CCL26: variants seen among roughly 807,000 people sequenced by gnomAD.
CCL26 encodes the protein C-C motif chemokine ligand 26.
In CCL26, 10 loss-of-function variants were observed where a neutral mutation model predicts 10.7. That is an observed-to-expected ratio of 0.93 (90% CI 0.57 to 1.58). The LOEUF (loss-of-function observed/expected upper bound fraction) is 1.58. Ranked by LOEUF, CCL26 falls within the 40% of genes most tolerant of loss-of-function variation. CCL26 has a pLI of 0.00. For missense variants in CCL26, 116 were observed against 111.0 expected (o/e 1.05, Z -0.20); for synonymous variants, 43 against 41.4 (o/e 1.04, Z -0.15).
At position 75,769,612 on chromosome 7, in the gene CCL26, A is replaced by G. The variant is rs782001790; in HGVS notation, c.*81T>C. The G allele has an allele frequency of 2.1e-4, 186 of 889,010 alleles. 1 individual carries two copies. Among genetic ancestry groups the G allele is most frequent in the Non-Finnish European group, 3.7e-5 (20 of 536,982 alleles). 55.1% of individuals were successfully genotyped at this position (889,010 alleles called of 1,614,324 possible). On this transcript the variant is annotated 3_prime_UTR_variant, in exon 3 of 3. Coordinates refer to ENST00000005180, the MANE Select transcript of CCL26 (RefSeq NM_001371938.1). The stretch of plus-strand genomic sequence containing the variant: ...TCCCCAGCGGGTCCATGTAGCCTTC[A>G]GAAAAGATTCCGCAGGCTCCCCAGA...
upstream of CCL26, among the ~76,000 whole-genome samples, chr7:75,790,178 C>CCTTCCTTTCTTTCTTTCTTTCTTTCTTT (rs60788546): frequency 4.5e-5 from 2 of 44,344 alleles, no homozygotes; most frequent in Admixed American, 4.5e-4. Context: ...TTCCTTCCTT[C>CCTTCCTTTCTTTCTTTCTTTCTTTCTTT]CTTTCTTTCT....
chr7:75,789,238 C>A (rs781792038), intron 1 of CCL26, among the ~76,000 whole-genome samples: 1 of 151,638 alleles, frequency 6.6e-6, no homozygotes, highest in African/African-American at 2.4e-5. Flanking sequence ...AGCCACCGTG[C>A]CTGGCCTGCG....
intron 1 of CCL26, among the ~76,000 whole-genome samples, chr7:75,787,354 C>T (rs1803217699): frequency 6.6e-6 from 1 of 152,066 alleles, no homozygotes; most frequent in Admixed American, 6.6e-5. Flanking sequence ...TTTAAAGACA[C>T]ACCTCACCAG....
At chr7:75,780,696 C>T (rs1174387438) in intron 1 of CCL26, among the ~76,000 whole-genome samples, 1 of 152,086 alleles carries the variant, frequency 6.6e-6, no homozygotes, top group Non-Finnish European at 1.5e-5. Context: ...GCTTCTTTCC[C>T]TCCCGCCTGT....
chr7:75,787,208 C>A lies in CCL26; in HGVS notation c.-79+2509G>T, dbSNP rs181755283. Among the ~76,000 whole-genome samples, 178 of 152,282 alleles carry A rather than the reference C, an allele frequency of 1.2e-3. 2 individuals are homozygous for A. Among genetic ancestry groups the A allele is most frequent in the African/African-American group, 4.1e-3 (171 of 41,560 alleles). ...ATTCCTCGGTTTGGCCTTCCCACCT[C>A]TATACAGTCCGATAATGGACTGGCC... On this transcript the variant is annotated intron_variant, in intron 1 of 3. Coordinates refer to the CCL26 transcript ENST00000394905.
At chr7:75,784,679 T>G (rs1803142546) in intron 1 of CCL26, among the ~76,000 whole-genome samples, 1 of 152,138 alleles carries the variant, frequency 6.6e-6, no homozygotes, top group Non-Finnish European at 1.5e-5. Flanking sequence ...CCAGCTCCCT[T>G]ATTAGGTTCA....
chr7:75,787,651 C>CAAAAA (rs55770109), intron 1 of CCL26, among the ~76,000 whole-genome samples: 3,024 of 27,758 alleles, frequency 0.11, 520 homozygotes, highest in Middle Eastern at 0.25. Flanking sequence ...TCTCCAAAAG[C>CAAAAA]AAAAAAAAAA....
At chr7:75,778,849 G>GGT (rs1563337659) in intron 1 of CCL26, among the ~76,000 whole-genome samples, 8 of 78,378 alleles carry the variant, frequency 1.0e-4, no homozygotes, top group Admixed American at 4.5e-4. Flanking sequence ...AGGCCAAGGT[G>GGT]GGGGGGGCAG....
Position 75,779,351 on chromosome 7 carries a change from T to C in CCL26, c.-78-7097A>G, listed in dbSNP as rs369061069. On this transcript the variant is annotated intron_variant, in intron 1 of 3. Coordinates refer to the CCL26 transcript ENST00000394905. ...GGATCGGGGGACCTCCCTTGGGAGATAAATCCCATGTCCTCCTGCTCTTTG... is the reference window on the plus strand; with the variant it reads ...GGATCGGGGGACCTCCCTTGGGAGACAAATCCCATGTCCTCCTGCTCTTTG... 9.8e-5 allele frequency among the ~76,000 whole-genome samples: 15 copies of C among 152,298 alleles called. No individual in the cohort carries two copies. The East Asian group carries it at 2.5e-3, about 25-fold the overall frequency.
chr7:75,774,082 G>A (rs1299594448), upstream of CCL26, among the ~76,000 whole-genome samples: 1 of 152,208 alleles, frequency 6.6e-6, no homozygotes, highest in Non-Finnish European at 1.5e-5. Context: ...GAAGAGGATA[G>A]ATGGTGAGTT....
At chr7:75,778,712 T>G (rs1305682816) in intron 1 of CCL26, among the ~76,000 whole-genome samples, 1 of 151,660 alleles carries the variant, frequency 6.6e-6, no homozygotes, top group African/African-American at 2.4e-5. Flanking sequence ...CTGCAACCTC[T>G]GCTTCCCAGG....
chr7:75,773,253 G>C (rs1377876315), upstream of CCL26, among the ~76,000 whole-genome samples: 1 of 151,852 alleles, frequency 6.6e-6, no homozygotes, highest in African/African-American at 2.4e-5. Flanking sequence ...GTGAAACCCC[G>C]TCCCCACTAG....
intron 1 of CCL26, among the ~76,000 whole-genome samples, chr7:75,780,333 CCT>C (rs1803035524): frequency 1.3e-5 from 2 of 152,170 alleles, no homozygotes; most frequent in East Asian, 1.9e-4. Flanking sequence ...GTGTCTCTAC[CCT>C]CTCTTTTCTC....
upstream of CCL26, chr7:75,772,403 T>G: frequency 1.8e-6 from 1 of 546,482 alleles, no homozygotes; most frequent in East Asian, 3.1e-5. Context: ...ATGCCTGTGA[T>G]CACAGCACTC....
Position 75,769,766 on chromosome 7 carries a change from T to C in CCL26, c.212A>G (p.Lys71Arg). The change falls in exon 3 of 3, where the codon AAA becomes AGA. Residue 71 changes from lysine to arginine, a missense_variant. Lys to Arg is a conservative substitution (Grantham distance 26). Transcript: ENST00000005180. ...TTTTTTCCTTGGATGGGTACAGACT[T>C]TCTTGCCTCTTTTGGTAGTGAATCT... ...AVIFTTKRGK[K>R]VCTHPRKKWV... The C allele has an allele frequency of 6.2e-7, 1 of 1,609,564 alleles. No homozygotes were observed. The highest frequency in any genetic ancestry group is 8.5e-7 in the Non-Finnish European group (1 of 1,175,828).
Position 75,770,069 on chromosome 7 carries a change from ATTT to A in CCL26, c.189-283_189-281del, listed in dbSNP as rs10540427. ...CATGTAACCTGCACCAGGACACTTA[ATTT>A]TTTTTTTTTTTTTTTGAGACGAACT... On this transcript the variant is annotated intron_variant, in intron 2 of 2. Coordinates refer to ENST00000005180, the MANE Select transcript of CCL26 (RefSeq NM_001371938.1). Among the ~76,000 whole-genome samples, 1,176 of 144,438 alleles carry A rather than the reference ATTT, an allele frequency of 8.1e-3. 13 individuals are homozygous for A. Among genetic ancestry groups the A allele is most frequent in the African/African-American group, 0.027 (1,069 of 39,426 alleles). 94.8% of individuals were successfully genotyped at this position (144,438 alleles called of 152,430 possible).
chr7:75,782,057 A>G (rs1803076732), intron 1 of CCL26, among the ~76,000 whole-genome samples: 1 of 152,118 alleles, frequency 6.6e-6, no homozygotes, highest in Non-Finnish European at 1.5e-5. Flanking sequence ...AGCCCAAGGA[A>G]TATCTCACTG....
At position 75,772,169 on chromosome 7, in the gene CCL26, C is replaced by G. The variant is rs571499401; in HGVS notation, c.8G>C (p.Gly3Ala). The change falls in exon 1 of 3, where the codon GGC becomes GCC. Residue 3 changes from glycine to alanine, a missense_variant. Physicochemically the swap from Gly to Ala is moderately conservative, Grantham distance 60. Transcript: ENST00000005180. Reference protein sequence around the residue: MMGLSLASAVLLA... With the variant: MMALSLASAVLLA... Reference sequence around the variant, plus strand: ...GAGCACAGCAGAGGCCAAGGAGAGGCCCATCATGATGCTGCAAATCAGGCC... The same window carrying G: ...GAGCACAGCAGAGGCCAAGGAGAGGGCCATCATGATGCTGCAAATCAGGCC... The G allele has an allele frequency of 3.3e-5, 51 of 1,551,260 alleles. No homozygotes were observed. The South Asian group carries it at 5.1e-4, about 16-fold the overall frequency.
upstream of CCL26, among the ~76,000 whole-genome samples, chr7:75,790,259 CTCCA>C: frequency 6.9e-6 from 1 of 145,560 alleles, no homozygotes. Context: ...CCCTCCCTCC[CTCCA>C]TACCTCTTTC....
Sources: allele counts gnomAD v4.1 joint callset (sites outside exome capture counted in the v4.1 genomes callset), GRCh38; gene constraint gnomAD v4.1.1; transcripts MANE v1.5; gene names NCBI Gene and HGNC (gene_info 2026-07-23, HGNC 2026-07-21).